The following RBMS3 variants were observed in gnomAD, a reference collection of about 807,000 sequenced individuals.
RBMS3 encodes the protein RNA-binding motif, single-stranded-interacting protein 3.
A neutral mutation model predicts 66.8 loss-of-function variants in RBMS3; 27 were observed. The observed-to-expected ratio is 0.40, with a 90% CI of 0.30 to 0.56. RBMS3 has a LOEUF of 0.56. Among genes scored for constraint, RBMS3 ranks in the 20% least tolerant of loss-of-function variants. The pLI, the probability that RBMS3 is intolerant of heterozygous loss-of-function variation, is 0.40. For synonymous variants in RBMS3, 188 were observed against 183.0 expected (o/e 1.03, Z -0.22); for missense variants, 513 against 549.5 (o/e 0.93, Z 0.66).
chr3:29,458,208 A>G (rs1357773372), intron 2 of RBMS3, among the ~76,000 whole-genome samples: 1 of 152,204 alleles, frequency 6.6e-6, no homozygotes, highest in Non-Finnish European at 1.5e-5. Context: ...AGTACTTTCC[A>G]GTATAAATTG....
At chr3:29,651,201 G>T (rs1026647939) in intron 4 of RBMS3, among the ~76,000 whole-genome samples, 2 of 152,148 alleles carry the variant, frequency 1.3e-5, no homozygotes, top group Non-Finnish European at 2.9e-5. Context: ...CAGAATAGAG[G>T]TCTTGCATAG....
At chr3:29,466,492 A>G (rs2042548212) in intron 2 of RBMS3, among the ~76,000 whole-genome samples, 1 of 152,160 alleles carries the variant, frequency 6.6e-6, no homozygotes, top group Non-Finnish European at 1.5e-5. Context: ...GGATTCGTGC[A>G]GCTTTTGAAT....
intron 3 of RBMS3, among the ~76,000 whole-genome samples, chr3:29,568,559 G>A (rs1301163005): frequency 1.3e-5 from 2 of 152,174 alleles, no homozygotes; most frequent in Non-Finnish European, 2.9e-5. Context: ...TTTATTCAAT[G>A]CCCAGAACCG....
rs556368010 is a variant in RBMS3, at chr3:29,357,827, G to T, written c.75+76071G>T. ...ATGATGAGCATTTTTTCATGTGTCT[G>T]TTGGCTGCATAAATGTCTTCTTTTG... On this transcript the variant is annotated intron_variant, in intron 1 of 14. Transcript: ENST00000383767. Among the ~76,000 whole-genome samples the T allele has an allele frequency of 6.2e-4, 95 of 152,166 alleles. 1 individual carries two copies. Among genetic ancestry groups the T allele is most frequent in the South Asian group, 4.1e-4 (2 of 4,822 alleles).
At chr3:29,863,582 C>T (rs2059270371) in intron 6 of RBMS3, among the ~76,000 whole-genome samples, 2 of 151,898 alleles carry the variant, frequency 1.3e-5, no homozygotes, top group Admixed American at 6.6e-5. Context: ...TTATACAGAT[C>T]CCCCAAATAT....
intron 2 of RBMS3, among the ~76,000 whole-genome samples, chr3:29,468,098 G>A (rs1445834253): frequency 6.6e-6 from 1 of 152,042 alleles, no homozygotes; most frequent in Admixed American, 6.6e-5. Context: ...CTATATAAAT[G>A]TATATATGTG....
At chr3:29,687,309 C>T (rs931242904) in intron 4 of RBMS3, among the ~76,000 whole-genome samples, 28 of 152,184 alleles carry the variant, frequency 1.8e-4, no homozygotes, top group Admixed American at 1.8e-3. Context: ...TAGCTTATAT[C>T]TCTGATGTTC....
In RBMS3 at chr3:29,915,909, A is replaced by G. The variant is rs565996784; in HGVS notation, c.939+16154A>G. On this transcript the variant is annotated intron_variant, in intron 10 of 14. Transcript: ENST00000383767. ...TGTAGCTTTAGTCTTTTCTCTTGAG[A>G]TGGACTAGGATATGTTCCCTGTATT... 2.7e-4 allele frequency among the ~76,000 whole-genome samples: 41 copies of G among 152,110 alleles called. No individual in the cohort carries two copies. The South Asian group carries it at 5.4e-3, about 20-fold the overall frequency.
At chr3:29,665,724 C>A (rs75168886) in intron 4 of RBMS3, among the ~76,000 whole-genome samples, 4,093 of 152,110 alleles carry the variant, frequency 0.027, 95 homozygotes, top group Admixed American at 0.073. Context: ...CTAGCTTGAT[C>A]TTTTTTATTT....
intron 8 of RBMS3, among the ~76,000 whole-genome samples, chr3:29,891,257 A>G (rs1462056866): frequency 2.0e-5 from 3 of 151,648 alleles, no homozygotes; most frequent in Non-Finnish European, 4.4e-5. Context: ...TAACTACACC[A>G]TGGTGAATCT....
At chr3:29,461,920 A>ATTTTTTTT (rs61115023) in intron 2 of RBMS3, among the ~76,000 whole-genome samples, 22 of 93,300 alleles carry the variant, frequency 2.4e-4, no homozygotes, top group African/African-American at 2.9e-4. Flanking sequence ...TGCCCGGCTA[A>ATTTTTTTT]TTTTTTTTTT....
intron 4 of RBMS3, among the ~76,000 whole-genome samples, chr3:29,721,477 A>G (rs1040041029): frequency 3.3e-5 from 5 of 152,114 alleles, no homozygotes; most frequent in Non-Finnish European, 5.9e-5. Flanking sequence ...TGAGTAGGAG[A>G]CATTCCTGTG....
chr3:29,367,763 C>T (rs1020658831), intron 1 of RBMS3, among the ~76,000 whole-genome samples: 1 of 151,892 alleles, frequency 6.6e-6, no homozygotes, highest in African/African-American at 2.4e-5. Context: ...ATAATATTCC[C>T]CTATGCTTAA....
intron 1 of RBMS3, among the ~76,000 whole-genome samples, chr3:29,315,367 A>G (rs1263915067): frequency 1.3e-5 from 2 of 151,784 alleles, no homozygotes; most frequent in Non-Finnish European, 2.9e-5. Context: ...ACAGTTTGGT[A>G]TATACTTCAA....
intron 4 of RBMS3, among the ~76,000 whole-genome samples, chr3:29,661,777 A>G (rs1224503455): frequency 6.6e-6 from 1 of 152,202 alleles, no homozygotes; most frequent in Non-Finnish European, 1.5e-5. Context: ...GCTTGCAGGT[A>G]GGCTTTGAAG....
At chr3:29,872,263 A>G (rs996445775) in intron 7 of RBMS3, among the ~76,000 whole-genome samples, 4 of 152,270 alleles carry the variant, frequency 2.6e-5, no homozygotes, top group South Asian at 4.1e-4. Context: ...TAAAAACAGT[A>G]TATTTTATTA....
intron 12 of RBMS3, among the ~76,000 whole-genome samples, chr3:29,978,277 G>A (rs1287997000): frequency 6.6e-6 from 1 of 152,064 alleles, no homozygotes; most frequent in African/African-American, 2.4e-5. Flanking sequence ...CACTTCCTGA[G>A]GATTTACCTT....
intron 14 of RBMS3, among the ~76,000 whole-genome samples, chr3:29,992,917 G>A (rs1361111335): frequency 6.6e-6 from 1 of 152,096 alleles, no homozygotes; most frequent in Non-Finnish European, 1.5e-5. Context: ...GGCAAGAATG[G>A]GGGCAAAAGT....
chr3:29,859,982 C>T (rs1294788282), intron 6 of RBMS3, among the ~76,000 whole-genome samples: 3 of 152,182 alleles, frequency 2.0e-5, no homozygotes, highest in Non-Finnish European at 4.4e-5. Context: ...CGTTTCCTAA[C>T]AAAACCTTTT....
Sources: gnomAD v4.1 joint callset for allele counts (sites outside exome capture counted in the v4.1 genomes callset) on GRCh38, gnomAD v4.1.1 for gene constraint, MANE v1.5 for transcripts, NCBI Gene and HGNC (gene_info 2026-07-23, HGNC 2026-07-21) for gene names.